FBXO15: variants seen among roughly 807,000 people sequenced by gnomAD.
FBXO15 encodes the protein F-box only protein 15.
In FBXO15, 30 loss-of-function variants were observed where a neutral mutation model predicts 49.5. That is an observed-to-expected ratio of 0.61 (90% CI 0.45 to 0.82). The LOEUF (loss-of-function observed/expected upper bound fraction) is 0.82. FBXO15 is among the 40% of genes least tolerant of loss of function. The pLI is 0.00. For missense variants in FBXO15, 591 were observed against 631.5 expected (o/e 0.94, Z 0.69); for synonymous variants, 250 against 232.7 (o/e 1.07, Z -0.68).
In FBXO15 at chr18:74,073,417, C is replaced by A; in HGVS notation, c.*44G>T. The A allele has an allele frequency of 1.9e-6, 3 of 1,582,716 alleles. No individual in the cohort carries two copies. The highest frequency in any genetic ancestry group is 2.4e-5 in the South Asian group (2 of 85,052). On this transcript the variant is annotated 3_prime_UTR_variant, in exon 10 of 10. Coordinates refer to ENST00000419743, the MANE Select transcript of FBXO15 (RefSeq NM_001142958.2). Reference sequence around the variant, plus strand: ...TTTCAACACCAAGAACAAAGCCAGTCAAAAATAAACAACTAAATAACAACA... The same window carrying A: ...TTTCAACACCAAGAACAAAGCCAGTAAAAAATAAACAACTAAATAACAACA...
intron 8 of FBXO15, among the ~76,000 whole-genome samples, chr18:74,117,377 C>T (rs1914277389): frequency 1.3e-5 from 2 of 152,092 alleles, no homozygotes; most frequent in Admixed American, 1.3e-4. Context: ...TTAACGTTAA[C>T]ACAAAATTGG....
Position 74,101,617 on chromosome 18 carries a change from C to G in FBXO15, c.1139-19566G>C, listed in dbSNP as rs55912579. On this transcript the variant is annotated intron_variant, in intron 8 of 9. Transcript: ENST00000419743. ...TTCACAAAACTAGAAAAAACAATCC[C>G]AAAATTCATATGGAAACAAAAAAGA... Among the ~76,000 whole-genome samples, 3 of 151,794 alleles carry G rather than the reference C, an allele frequency of 2.0e-5. No individual in the cohort carries two copies. The East Asian group carries it at 5.8e-4, about 29-fold the overall frequency.
chr18:74,084,364 G>A (rs527252362), intron 8 of FBXO15, among the ~76,000 whole-genome samples: 4 of 152,302 alleles, frequency 2.6e-5, no homozygotes, highest in South Asian at 4.1e-4. Flanking sequence ...ACCTGGAGTC[G>A]GAAATGAGCA....
At chr18:74,084,355 C>CTCA (rs1454367494) in intron 8 of FBXO15, among the ~76,000 whole-genome samples, 1 of 152,164 alleles carries the variant, frequency 6.6e-6, no homozygotes, top group Non-Finnish European at 1.5e-5. Context: ...TTCCTGTAAA[C>CTCA]CTGGAGTCGG....
intron 8 of FBXO15, among the ~76,000 whole-genome samples, chr18:74,114,280 A>C (rs1379459698): frequency 6.6e-6 from 1 of 152,176 alleles, no homozygotes; most frequent in Non-Finnish European, 1.5e-5. Flanking sequence ...GTCACAACTC[A>C]TTCTTGGAGG....
chr18:74,080,692 G>T lies in FBXO15; in HGVS notation c.1263+1235C>A, dbSNP rs571109867. Reference sequence around the variant, plus strand: ...CTATTCAGGGTGGGTCCATTATGTAGCTTAGTCTGCCCTACATAAAGTCCC... The same window carrying T: ...CTATTCAGGGTGGGTCCATTATGTATCTTAGTCTGCCCTACATAAAGTCCC... On this transcript the variant is annotated intron_variant, in intron 9 of 9. Coordinates refer to ENST00000419743, the MANE Select transcript of FBXO15 (RefSeq NM_001142958.2). Among the ~76,000 whole-genome samples the T allele has an allele frequency of 2.0e-5, 3 of 152,314 alleles. No homozygotes were observed. In the East Asian group the frequency reaches 5.8e-4, roughly 29 times the overall value.
chr18:74,088,884 T>A (rs956442382), intron 8 of FBXO15, among the ~76,000 whole-genome samples: 1 of 152,162 alleles, frequency 6.6e-6, no homozygotes, highest in African/African-American at 2.4e-5. Flanking sequence ...CTGAGCAGTG[T>A]TTTGTAATTC....
intron 8 of FBXO15, among the ~76,000 whole-genome samples, chr18:74,108,082 T>C (rs373131482): frequency 2.6e-5 from 4 of 152,230 alleles, no homozygotes; most frequent in East Asian, 3.9e-4. Flanking sequence ...TACCACCACA[T>C]TACTATTTTT....
At position 74,107,320 on chromosome 18, in the gene FBXO15, T is replaced by G. The variant is rs112546309; in HGVS notation, c.1138+16048A>C. 6.5e-3 allele frequency among the ~76,000 whole-genome samples: 988 copies of G among 152,196 alleles called. 9 individuals are homozygous for G. Among genetic ancestry groups the G allele is most frequent in the African/African-American group, 0.021 (887 of 41,550 alleles). Reference sequence around the variant, plus strand: ...CGCATGATCCCACTTATATGTGGAATTTCAAAAGCTGAAGTTAAAGAAGAC... The same window carrying G: ...CGCATGATCCCACTTATATGTGGAAGTTCAAAAGCTGAAGTTAAAGAAGAC... On this transcript the variant is annotated intron_variant, in intron 8 of 9. Transcript: ENST00000419743.
intron 8 of FBXO15, among the ~76,000 whole-genome samples, chr18:74,087,734 ATGGGAT>A (rs1912811559): frequency 6.6e-6 from 1 of 152,218 alleles, no homozygotes; most frequent in Non-Finnish European, 1.5e-5. Flanking sequence ...ATACCCAATA[ATGGGAT>A]TGCTAGGTCA....
At chr18:74,083,450 A>G (rs1292460483) in intron 8 of FBXO15, among the ~76,000 whole-genome samples, 1 of 152,212 alleles carries the variant, frequency 6.6e-6, no homozygotes, top group Non-Finnish European at 1.5e-5. Flanking sequence ...GCCCTGCACT[A>G]CTGCAGCCAC....
At chr18:74,082,193 C>T in intron 8 of FBXO15, 142 bp from the exon 9 acceptor site, 1 of 668,794 alleles carries the variant, frequency 1.5e-6, no homozygotes, top group Non-Finnish European at 2.3e-6. Context: ...GCACAGCAAT[C>T]CCAGCCTCTG....
chr18:74,112,753 G>A (rs1009131943), intron 8 of FBXO15, among the ~76,000 whole-genome samples: 1 of 152,192 alleles, frequency 6.6e-6, no homozygotes, highest in Non-Finnish European at 1.5e-5. Context: ...CATCTTGGTA[G>A]AAAATCCAAA....
intron 8 of FBXO15, among the ~76,000 whole-genome samples, chr18:74,107,046 T>C (rs1913797893): frequency 6.6e-6 from 1 of 152,092 alleles, no homozygotes; most frequent in Non-Finnish European, 1.5e-5. Flanking sequence ...TAAACAATAG[T>C]TTTCCTGAAT....
Position 74,130,660 on chromosome 18 carries a change from T to G in FBXO15, c.333-2A>C, listed in dbSNP as rs375679887. The G allele has an allele frequency of 6.2e-7, 1 of 1,609,616 alleles. No homozygotes were observed. The highest frequency in any genetic ancestry group is 8.5e-7 in the Non-Finnish European group (1 of 1,177,174). Reference sequence around the variant, plus strand: ...GAGTAGATTCCGATCCAAATAAAACTGGAGGGAAAAGAGGAAATATGTTAA... The same window carrying G: ...GAGTAGATTCCGATCCAAATAAAACGGGAGGGAAAAGAGGAAATATGTTAA... On this transcript the variant is annotated splice_acceptor_variant, in intron 3 of 9. Coordinates refer to ENST00000419743, the MANE Select transcript of FBXO15 (RefSeq NM_001142958.2). LOFTEE classifies it high-confidence loss of function.
At position 74,130,403 on chromosome 18, in the gene FBXO15, A is replaced by G. The variant is rs1193400413; in HGVS notation, c.575+13T>C. ...GCTGATGCCATCATTCTCTTTTGGA[A>G]CACACTGCGTACCTGAGGGCCTCTT... is the stretch of plus-strand genomic sequence containing the variant. On this transcript the variant is annotated intron_variant, in intron 4 of 9. Coordinates refer to ENST00000419743, the MANE Select transcript of FBXO15 (RefSeq NM_001142958.2). The G allele has an allele frequency of 3.7e-6, 6 of 1,613,504 alleles. No homozygotes were observed. The highest frequency in any genetic ancestry group is 5.1e-6 in the Non-Finnish European group (6 of 1,179,722).
intron 5 of FBXO15, among the ~76,000 whole-genome samples, chr18:74,127,521 G>C (rs902134474): frequency 2.3e-4 from 35 of 152,178 alleles, no homozygotes; most frequent in African/African-American, 7.2e-4. Context: ...AAACAAAAAA[G>C]ACCCAAATAA....
intron 1 of FBXO15, among the ~76,000 whole-genome samples, chr18:74,141,364 T>C (rs1979064817): frequency 6.6e-6 from 1 of 152,212 alleles, no homozygotes; most frequent in Non-Finnish European, 1.5e-5. Flanking sequence ...TTAAGCAACA[T>C]ACAACACACA....
chr18:74,140,408 A>G lies in FBXO15; in HGVS notation c.117-96T>C, dbSNP rs978108018. The G allele has an allele frequency of 4.6e-6, 5 of 1,089,484 alleles. 1 individual carries two copies. In the African/African-American group the frequency reaches 8.1e-5, roughly 18 times the overall value. 67.5% of individuals were successfully genotyped at this position (1,089,484 alleles called of 1,614,324 possible). ...AAATTCCAAAGGATTCATAAACTCC[A>G]AAGATTACTCACTGAAAAACTTAAT... On this transcript the variant is annotated intron_variant, in intron 1 of 9. Coordinates refer to ENST00000419743, the MANE Select transcript of FBXO15 (RefSeq NM_001142958.2).
Sources: gnomAD v4.1 joint callset for allele counts (sites outside exome capture counted in the v4.1 genomes callset) on GRCh38, gnomAD v4.1.1 for gene constraint, MANE v1.5 for transcripts, NCBI Gene and HGNC (gene_info 2026-07-23, HGNC 2026-07-21) for gene names.